Variants in LHFPL3 observed in about 807,000 individuals in gnomAD.
LHFPL3 encodes the protein LHFPL tetraspan subfamily member 3 protein.
A neutral mutation model predicts 19.3 loss-of-function variants in LHFPL3; 5 were observed. That is an observed-to-expected ratio of 0.26 (90% CI 0.14 to 0.54). The LOEUF (loss-of-function observed/expected upper bound fraction) is 0.54, where lower values mean the gene tolerates loss of function less well. LHFPL3 is among the 20% of genes least tolerant of loss of function. The pLI, the probability that LHFPL3 is intolerant of heterozygous loss-of-function variation, is 0.94. For missense variants in LHFPL3, 249 were observed against 307.4 expected (o/e 0.81, Z 1.42); for synonymous variants, 133 against 126.2 (o/e 1.05, Z -0.36).
chr7:104,557,035 G>A (rs1037243091), intron 1 of LHFPL3, among the ~76,000 whole-genome samples: 2 of 152,118 alleles, frequency 1.3e-5, no homozygotes, highest in African/African-American at 4.8e-5. Context: ...GAATGTCATT[G>A]TCCATATTAT....
chr7:104,893,339 C>T (rs1453943821), intron 2 of LHFPL3, among the ~76,000 whole-genome samples: 2 of 151,782 alleles, frequency 1.3e-5, no homozygotes, highest in East Asian at 1.9e-4. Context: ...AATGGTGAAA[C>T]TTCATCTCTA....
intron 2 of LHFPL3, among the ~76,000 whole-genome samples, chr7:104,877,555 C>T (rs963835517): frequency 6.6e-6 from 1 of 152,100 alleles, no homozygotes; most frequent in Admixed American, 6.5e-5. Flanking sequence ...TAATACAAAT[C>T]AAAACCACAA....
At chr7:104,591,564 AACTTT>A (rs1790723686) in intron 1 of LHFPL3, among the ~76,000 whole-genome samples, 1 of 151,970 alleles carries the variant, frequency 6.6e-6, no homozygotes, top group East Asian at 1.9e-4. Context: ...CCTTCATTTC[AACTTT>A]GGTGAATCTG....
chr7:104,643,631 C>T (rs533160700), intron 1 of LHFPL3, among the ~76,000 whole-genome samples: 3 of 152,310 alleles, frequency 2.0e-5, no homozygotes, highest in African/African-American at 7.2e-5. Context: ...TGGAATCACC[C>T]AAAGAGCCTG....
intron 1 of LHFPL3, among the ~76,000 whole-genome samples, chr7:104,346,737 C>G (rs1337189281): frequency 2.6e-5 from 4 of 151,898 alleles, no homozygotes; most frequent in Admixed American, 6.6e-5. Flanking sequence ...TGGATTCTCA[C>G]TCCTCCTGTT....
chr7:104,392,817 G>C (rs1253073124), intron 1 of LHFPL3, among the ~76,000 whole-genome samples: 6 of 152,062 alleles, frequency 3.9e-5, no homozygotes, highest in African/African-American at 1.4e-4. Flanking sequence ...GTCTTGTCCT[G>C]GACTTTTCTT....
intron 1 of LHFPL3, among the ~76,000 whole-genome samples, chr7:104,510,329 A>G (rs1327905900): frequency 6.6e-6 from 1 of 152,134 alleles, no homozygotes. Context: ...CAATCTCAAG[A>G]ATTATTTTCT....
At chr7:104,715,847 A>AAAG (rs1223329651) in intron 1 of LHFPL3, among the ~76,000 whole-genome samples, 8 of 152,198 alleles carry the variant, frequency 5.3e-5, no homozygotes, top group Admixed American at 6.5e-5. Context: ...GTCAGCCTAC[A>AAAG]GTTTTCTTTC....
chr7:104,760,475 T>C (rs1471258416), intron 2 of LHFPL3, among the ~76,000 whole-genome samples: 1 of 152,230 alleles, frequency 6.6e-6, no homozygotes, highest in African/African-American at 2.4e-5. Context: ...AAATGATACA[T>C]GTGGATGTCT....
intron 1 of LHFPL3, among the ~76,000 whole-genome samples, chr7:104,393,134 A>G (rs1490500077): frequency 6.6e-6 from 1 of 152,202 alleles, no homozygotes; most frequent in Admixed American, 6.5e-5. Flanking sequence ...CATACCCACT[A>G]GGATGGCTAG....
intron 1 of LHFPL3, among the ~76,000 whole-genome samples, chr7:104,617,057 T>A (rs542634935): frequency 1.8e-4 from 27 of 152,228 alleles, no homozygotes; most frequent in African/African-American, 6.5e-4. Context: ...TTGGTGGAAG[T>A]GTAAATTAGT....
chr7:104,620,558 T>C (rs1214694779), intron 1 of LHFPL3, among the ~76,000 whole-genome samples: 2 of 152,236 alleles, frequency 1.3e-5, no homozygotes, highest in African/African-American at 2.4e-5. Context: ...TACTTCTTAC[T>C]AGTTTCAGCC....
At chr7:104,878,833 A>G (rs1016101986) in intron 2 of LHFPL3, among the ~76,000 whole-genome samples, 3 of 152,230 alleles carry the variant, frequency 2.0e-5, no homozygotes, top group Non-Finnish European at 4.4e-5. Flanking sequence ...CAGTGAACGA[A>G]CACACAAATG....
intron 2 of LHFPL3, among the ~76,000 whole-genome samples, chr7:104,747,061 G>A (rs917532446): frequency 4.6e-5 from 7 of 152,058 alleles, no homozygotes; most frequent in African/African-American, 7.2e-5. Flanking sequence ...AGTTGGTTTC[G>A]GTTTTTGTTT....
chr7:104,864,670 G>A (rs1003161458), intron 2 of LHFPL3, among the ~76,000 whole-genome samples: 1 of 152,202 alleles, frequency 6.6e-6, no homozygotes, highest in Non-Finnish European at 1.5e-5. Context: ...CTGGGGGCAG[G>A]CCATTGCCAA....
chr7:104,362,264 G>A (rs373413013), intron 1 of LHFPL3, among the ~76,000 whole-genome samples: 170 of 152,242 alleles, frequency 1.1e-3, no homozygotes, highest in South Asian at 6.0e-3. Context: ...GCAGGCCACT[G>A]GGGCTCTATC....
chr7:104,336,678 C>A (rs546657324), intron 1 of LHFPL3, among the ~76,000 whole-genome samples: 1 of 152,136 alleles, frequency 6.6e-6, no homozygotes, highest in African/African-American at 2.4e-5. Context: ...ATATCTCCCC[C>A]ACCCTAATGA....
rs561449803 is a variant in LHFPL3, at chr7:104,361,860, C to T, written c.445+32636C>T. 2.6e-5 allele frequency among the ~76,000 whole-genome samples: 4 copies of T among 152,286 alleles called. No individual in the cohort carries two copies. The East Asian group carries it at 7.7e-4, about 29-fold the overall frequency. Reference sequence around the variant, plus strand: ...ATCTATCCGGATTAAAAAAGACAGGCAATAATTTTCTGCTCTCTTGACACA... The same window carrying T: ...ATCTATCCGGATTAAAAAAGACAGGTAATAATTTTCTGCTCTCTTGACACA... On this transcript the variant is annotated intron_variant, in intron 1 of 2. Coordinates refer to ENST00000424859, the MANE Select transcript of LHFPL3 (RefSeq NM_199000.3).
intron 1 of LHFPL3, among the ~76,000 whole-genome samples, chr7:104,481,135 C>G (rs988627601): frequency 6.6e-6 from 1 of 152,208 alleles, no homozygotes; most frequent in Non-Finnish European, 1.5e-5. Flanking sequence ...TCCTTAACAA[C>G]TGAGAAGCCA....
Sources: allele counts gnomAD v4.1 joint callset (sites outside exome capture counted in the v4.1 genomes callset), GRCh38; gene constraint gnomAD v4.1.1; transcripts MANE v1.5; gene names NCBI Gene and HGNC (gene_info 2026-07-23, HGNC 2026-07-21).